Variants in ZNF385D observed in about 807,000 individuals in gnomAD.
ZNF385D encodes zinc finger protein 659.
Under a neutral mutation model 35.8 loss-of-function variants are expected in ZNF385D, and 15 were observed. The observed-to-expected ratio is 0.42, with a 90% CI of 0.28 to 0.64. The LOEUF is 0.64. Among genes scored for constraint, ZNF385D ranks in the 30% least tolerant of loss-of-function variants. The pLI, the probability that ZNF385D is intolerant of heterozygous loss-of-function variation, is 0.23. For synonymous variants in ZNF385D, 212 were observed against 186.8 expected (o/e 1.13, Z -1.10); for missense variants, 474 against 494.6 (o/e 0.96, Z 0.39).
intron 1 of ZNF385D, among the ~76,000 whole-genome samples, chr3:21,748,816 A>G (rs2069911263): frequency 6.6e-6 from 1 of 152,214 alleles, no homozygotes; most frequent in African/African-American, 2.4e-5. Flanking sequence ...ACATACATAC[A>G]TATATAAATA....
intron 2 of ZNF385D, among the ~76,000 whole-genome samples, chr3:22,213,636 G>GT (rs1409571807): frequency 6.6e-6 from 1 of 151,932 alleles, no homozygotes; most frequent in African/African-American, 2.4e-5. Flanking sequence ...TATAACACAA[G>GT]TTAAAAAACC....
chr3:22,146,758 T>C lies in ZNF385D; in HGVS notation c.325+22059A>G, dbSNP rs527243634. On this transcript the variant is annotated intron_variant, in intron 3 of 5. Transcript: ENST00000494108. ...TATAAACCTAAAATTCATTAATCAA[T>C]AGAATTACATTAATAAAACACTAGA... 3.9e-5 allele frequency among the ~76,000 whole-genome samples: 6 copies of C among 152,254 alleles called. 1 individual carries two copies. In the South Asian group the frequency reaches 1.2e-3, roughly 32 times the overall value.
At chr3:22,014,644 C>T (rs1382772088) in intron 3 of ZNF385D, among the ~76,000 whole-genome samples, 1 of 151,496 alleles carries the variant, frequency 6.6e-6, no homozygotes, top group Non-Finnish European at 1.5e-5. Flanking sequence ...AATTTTAAAA[C>T]AAAATATGAT....
intron 2 of ZNF385D, among the ~76,000 whole-genome samples, chr3:22,350,615 T>C (rs754620596): frequency 1.3e-5 from 2 of 152,160 alleles, no homozygotes; most frequent in Admixed American, 6.5e-5. Flanking sequence ...ATTATCTTTG[T>C]AGAACTTATA....
chr3:21,872,037 T>TA (rs969619704), intron 3 of ZNF385D, among the ~76,000 whole-genome samples: 1 of 152,090 alleles, frequency 6.6e-6, no homozygotes, highest in Non-Finnish European at 1.5e-5. Flanking sequence ...TAATAATTTT[T>TA]AAAAAAAGAT....
chr3:22,041,103 C>T (rs762866692), intron 3 of ZNF385D, among the ~76,000 whole-genome samples: 4 of 152,050 alleles, frequency 2.6e-5, no homozygotes, highest in Non-Finnish European at 5.9e-5. Flanking sequence ...CCCGCTCTGT[C>T]ACTCTCTTCT....
chr3:21,976,501 G>C (rs972640042), intron 3 of ZNF385D, among the ~76,000 whole-genome samples: 1 of 152,086 alleles, frequency 6.6e-6, no homozygotes, highest in African/African-American at 2.4e-5. Context: ...CTGGAAGATA[G>C]ATCAAAAGAA....
At chr3:21,438,445 T>C (rs1701685275) in intron 4 of ZNF385D, among the ~76,000 whole-genome samples, 1 of 152,054 alleles carries the variant, frequency 6.6e-6, no homozygotes, top group Non-Finnish European at 1.5e-5. Context: ...TGCTTACTTC[T>C]TGTTAGTTCA....
At chr3:21,858,311 C>T (rs1329139383) in intron 3 of ZNF385D, among the ~76,000 whole-genome samples, 1 of 151,904 alleles carries the variant, frequency 6.6e-6, no homozygotes, top group Non-Finnish European at 1.5e-5. Context: ...CTAACATCGG[C>T]CACCAAGGAA....
chr3:22,025,594 G>C (rs978551076), intron 3 of ZNF385D, among the ~76,000 whole-genome samples: 1 of 152,160 alleles, frequency 6.6e-6, no homozygotes, highest in Non-Finnish European at 1.5e-5. Context: ...GCAGCTCAGG[G>C]AGTTTAAAAA....
At chr3:22,098,045 T>C (rs1200106897) in intron 3 of ZNF385D, among the ~76,000 whole-genome samples, 1 of 152,022 alleles carries the variant, frequency 6.6e-6, no homozygotes, top group Non-Finnish European at 1.5e-5. Flanking sequence ...GCTAGGGAAA[T>C]ACCTAGAGTG....
At chr3:22,348,798 T>C (rs1266882222) in intron 2 of ZNF385D, among the ~76,000 whole-genome samples, 9 of 152,058 alleles carry the variant, frequency 5.9e-5, no homozygotes, top group Non-Finnish European at 1.3e-4. Context: ...GAGAGAGGCA[T>C]GGTGATAGCA....
intron 3 of ZNF385D, among the ~76,000 whole-genome samples, chr3:21,523,319 A>G (rs374258040): frequency 6.6e-5 from 10 of 152,292 alleles, no homozygotes; most frequent in African/African-American, 2.4e-4. Context: ...CCAGAAACCA[A>G]ACTTGTAGCC....
In ZNF385D at chr3:22,116,587, C is replaced by T. The variant is rs114139120; in HGVS notation, c.325+52230G>A. On this transcript the variant is annotated intron_variant, in intron 3 of 5. Transcript: ENST00000494108. ...AAGAAATGTGAGAGACGAAATTACA[C>T]AAAATTTCTTAGAACTGAGGCAACA... Among the ~76,000 whole-genome samples the T allele has an allele frequency of 3.1e-3, 478 of 152,150 alleles. 3 individuals are homozygous for T. Among genetic ancestry groups the T allele is most frequent in the Non-Finnish European group, 5.0e-3 (343 of 67,962 alleles).
chr3:21,924,549 T>G lies in ZNF385D; in HGVS notation c.325+244268A>C, dbSNP rs149368548. Among the ~76,000 whole-genome samples, 476 of 152,294 alleles carry G rather than the reference T, an allele frequency of 3.1e-3. 1 individual carries two copies. The highest frequency in any genetic ancestry group is 0.01 in the Middle Eastern group (3 of 294). ...CAACACCATCCATGCCACAAAAGGCTGTATATGGATCCTAGGTTTCAACCT... is the reference window on the plus strand; with the variant it reads ...CAACACCATCCATGCCACAAAAGGCGGTATATGGATCCTAGGTTTCAACCT... On this transcript the variant is annotated intron_variant, in intron 3 of 5. Transcript: ENST00000494108.
At chr3:21,778,269 G>A (rs753122815) in intron 3 of ZNF385D, among the ~76,000 whole-genome samples, 1 of 151,874 alleles carries the variant, frequency 6.6e-6, no homozygotes, top group Admixed American at 6.6e-5. Context: ...TTCATTTACT[G>A]GCTTTTAAAG....
chr3:22,363,589 C>G (rs952951006), intron 2 of ZNF385D, among the ~76,000 whole-genome samples: 2 of 152,066 alleles, frequency 1.3e-5, no homozygotes, highest in African/African-American at 4.8e-5. Context: ...GATTCAGTAC[C>G]AAGAATGGTT....
rs567579700 is a variant in ZNF385D, at chr3:21,723,468, G to A, written c.22+27427C>T. On this transcript the variant is annotated intron_variant, in intron 1 of 7. Transcript: ENST00000281523. ...TAGAGAAGAACATAAATGACCTGAAGGAGCAGAAAAACACAGCATGAGAAC... is the reference window on the plus strand; with the variant it reads ...TAGAGAAGAACATAAATGACCTGAAAGAGCAGAAAAACACAGCATGAGAAC... 1.1e-4 allele frequency among the ~76,000 whole-genome samples: 16 copies of A among 152,158 alleles called. No individual in the cohort carries two copies. In the South Asian group the frequency reaches 3.3e-3, roughly 32 times the overall value.
chr3:22,278,230 T>C (rs543386632), intron 2 of ZNF385D, among the ~76,000 whole-genome samples: 1 of 151,690 alleles, frequency 6.6e-6, no homozygotes, highest in East Asian at 1.9e-4. Context: ...TATTCATTAG[T>C]ACAAAGTAAT....
Sources: gnomAD v4.1 joint callset for allele counts (sites outside exome capture counted in the v4.1 genomes callset) on GRCh38, gnomAD v4.1.1 for gene constraint, MANE v1.5 for transcripts, NCBI Gene and HGNC (gene_info 2026-07-23, HGNC 2026-07-21) for gene names.